PNLIPRP3: variants seen among roughly 807,000 people sequenced by gnomAD.
The protein encoded by PNLIPRP3 is pancreatic lipase related protein 3.
In PNLIPRP3, 58 loss-of-function variants were observed where a neutral mutation model predicts 52.8. The ratio of observed to expected loss-of-function variants is 1.10; its 90% CI spans 0.89 to 1.37. The LOEUF (loss-of-function observed/expected upper bound fraction) is 1.37. PNLIPRP3 is among the 40% of genes most tolerant of loss of function. The probability of loss-of-function intolerance (pLI) is 0.00; values close to 1 mark genes in which losing one functional copy is unlikely to be tolerated. For synonymous variants in PNLIPRP3, 192 were observed against 185.0 expected (o/e 1.04, Z -0.31); for missense variants, 593 against 561.6 (o/e 1.06, Z -0.57).
At chr10:116,465,784 C>G (rs937630919) in intron 7 of PNLIPRP3, among the ~76,000 whole-genome samples, 3 of 152,116 alleles carry the variant, frequency 2.0e-5, no homozygotes, top group African/African-American at 7.2e-5. Flanking sequence ...GGAAGTGACT[C>G]AGTATATTTG....
At chr10:116,428,139 A>C (rs963521637) in intron 1 of PNLIPRP3, 78 bp downstream of exon 1, 10 of 1,057,130 alleles carry the variant, frequency 9.5e-6, no homozygotes, top group Non-Finnish European at 1.3e-5. Flanking sequence ...ACATGAACTT[A>C]TTCTTTAGAA....
intron 10 of PNLIPRP3, among the ~76,000 whole-genome samples, chr10:116,472,687 A>G (rs916919411): frequency 1.3e-5 from 2 of 152,206 alleles, no homozygotes; most frequent in Non-Finnish European, 2.9e-5. Flanking sequence ...GCCTGTAAAT[A>G]TAAGCTCAGT....
intron 2 of PNLIPRP3, among the ~76,000 whole-genome samples, chr10:116,440,236 A>G (rs913248974): frequency 6.6e-6 from 1 of 152,118 alleles, no homozygotes; most frequent in Non-Finnish European, 1.5e-5. Context: ...TTATCCTTTT[A>G]TATAAGTGGC....
At chr10:116,476,021 A>C (rs1485169553) in intron 10 of PNLIPRP3, among the ~76,000 whole-genome samples, 2 of 152,164 alleles carry the variant, frequency 1.3e-5, no homozygotes. Context: ...TCTGGGTCAC[A>C]GTGGAGAATT....
chr10:116,440,616 C>G (rs1564694268), intron 2 of PNLIPRP3, among the ~76,000 whole-genome samples: 2 of 152,214 alleles, frequency 1.3e-5, no homozygotes, highest in Non-Finnish European at 2.9e-5. Context: ...ACACAGTTAA[C>G]ATACTCTCTT....
rs773434349 is a variant in PNLIPRP3 at position 116,471,859 on chromosome 10, T to C, written c.1152T>C (p.Thr384=). 2 of 1,594,184 alleles carry C rather than the reference T, an allele frequency of 1.3e-6. No homozygotes were observed. Among genetic ancestry groups the C allele is most frequent in the South Asian group, 2.2e-5 (2 of 90,338 alleles). The part of the protein sequence containing the change: ...FLRVGGAVRK[T]GEFAIVSGKL... Reference sequence around the variant, plus strand: ...GTGTAGGCGGGGCAGTTAGGAAAACTGGGGAGTTTGCCATTGTCAGGTAGG... The same window carrying C: ...GTGTAGGCGGGGCAGTTAGGAAAACCGGGGAGTTTGCCATTGTCAGGTAGG... Residue 384 remains threonine, a synonymous_variant, in exon 10 of 12, where the codon ACT becomes ACC. Transcript: ENST00000369230.
intron 2 of PNLIPRP3, chr10:116,439,382 T>G (rs1202467164): frequency 1.9e-6 from 1 of 519,944 alleles, no homozygotes; most frequent in Non-Finnish European, 3.5e-6. Flanking sequence ...AACAGACACT[T>G]CTCAGATAAG....
chr10:116,468,993 G>A (rs964814601), intron 8 of PNLIPRP3, among the ~76,000 whole-genome samples, 192 bp from the exon 9 acceptor site: 6 of 152,190 alleles, frequency 3.9e-5, no homozygotes, highest in Non-Finnish European at 8.8e-5. Flanking sequence ...CTAATAGGGA[G>A]TTTCTCTTTT....
chr10:116,437,960 G>C (rs1429625390), intron 2 of PNLIPRP3, among the ~76,000 whole-genome samples: 1 of 152,040 alleles, frequency 6.6e-6, no homozygotes, highest in East Asian at 1.9e-4. Flanking sequence ...ATCACACACG[G>C]GAAACAGCCT....
At chr10:116,466,303 T>A in intron 8 of PNLIPRP3, 135 bp downstream of exon 8, 1 of 630,878 alleles carries the variant, frequency 1.6e-6, no homozygotes, top group Non-Finnish European at 2.7e-6. Context: ...GGATTGTTTC[T>A]GTGCTGAGTA....
intron 3 of PNLIPRP3, among the ~76,000 whole-genome samples, chr10:116,443,770 T>TGC: frequency 3.5e-5 from 2 of 57,084 alleles, no homozygotes; most frequent in Admixed American, 2.3e-4. Flanking sequence ...TGTGTATGTG[T>TGC]GTGTGTGTGT....
At chr10:116,435,469 A>G (rs1248325415) in intron 1 of PNLIPRP3, among the ~76,000 whole-genome samples, 1 of 151,674 alleles carries the variant, frequency 6.6e-6, no homozygotes, top group Non-Finnish European at 1.5e-5. Context: ...CCAACCAAAC[A>G]AAAAACAAAA....
intron 10 of PNLIPRP3, among the ~76,000 whole-genome samples, chr10:116,472,710 G>T (rs937638182): frequency 1.3e-5 from 2 of 152,140 alleles, no homozygotes; most frequent in African/African-American, 4.8e-5. Context: ...ATGATGATCT[G>T]GATCCTGATT....
At chr10:116,467,188 A>G (rs1280360720) in intron 8 of PNLIPRP3, among the ~76,000 whole-genome samples, 1 of 152,158 alleles carries the variant, frequency 6.6e-6, no homozygotes, top group African/African-American at 2.4e-5. Context: ...GAATGAATCA[A>G]TTTCCTTGAC....
intron 2 of PNLIPRP3, 108 bp from the exon 3 acceptor site, chr10:116,442,947 A>G (rs1845878684): frequency 5.0e-6 from 4 of 803,372 alleles, no homozygotes; most frequent in Non-Finnish European, 5.1e-6. Context: ...GAAGGTTGCT[A>G]AAGATCAAAT....
rs1472510117 is a variant in PNLIPRP3 at position 116,461,252 on chromosome 10, C to T, written c.770C>T (p.Thr257Ile). ...ATGCCAGGATGTGAAGACTTAATTA[C>T]ACCTTTACTGAAATTTAACTTCAAT... ...KHMPGCEDLITPLLKFNFNAY... is the reference protein window; with the variant it reads ...KHMPGCEDLIIPLLKFNFNAY... The change falls in exon 7 of 12, where the codon ACA becomes ATA. Residue 257 changes from threonine to isoleucine, a missense_variant. Physicochemically the swap from Thr to Ile is moderately conservative, Grantham distance 89 (BLOSUM62 -1). Coordinates refer to ENST00000369230, the MANE Select transcript of PNLIPRP3 (RefSeq NM_001011709.3). 1 of 1,613,272 alleles carries T rather than the reference C, an allele frequency of 6.2e-7. No individual in the cohort carries two copies. Among genetic ancestry groups the T allele is most frequent in the Non-Finnish European group, 8.5e-7 (1 of 1,179,220 alleles).
chr10:116,476,606 C>T, intron 10 of PNLIPRP3, 46 bp from the exon 11 acceptor site: 1 of 1,444,246 alleles, frequency 6.9e-7, no homozygotes, highest in Non-Finnish European at 9.3e-7. Context: ...TCATTCAGTG[C>T]TGTGAATACC....
At chr10:116,468,660 G>A (rs1452084971) in intron 8 of PNLIPRP3, among the ~76,000 whole-genome samples, 1 of 152,162 alleles carries the variant, frequency 6.6e-6, no homozygotes, top group Non-Finnish European at 1.5e-5. Context: ...CTCAAGGACT[G>A]TTCTTTTGTG....
chr10:116,443,059 T>A lies in PNLIPRP3; in HGVS notation c.209T>A (p.Ile70Asn). 2 of 1,583,742 alleles carry A rather than the reference T, an allele frequency of 1.3e-6. No homozygotes were observed. The highest frequency in any genetic ancestry group is 1.7e-6 in the Non-Finnish European group (2 of 1,160,750). ...ATCTCTTTCTGCTTGAAACAGGAGA[T>A]CAGTGCGGTTAATTCTTCAACTATC... ...TIHNPNAYQE[I>N]SAVNSSTIQA... The change falls in exon 3 of 12, where the codon ATC becomes AAC. Residue 70 changes from isoleucine to asparagine, a missense_variant. By Grantham distance (149) the Ile-to-Asn change is moderately radical. Transcript: ENST00000369230.
Sources: allele counts gnomAD v4.1 joint callset (sites outside exome capture counted in the v4.1 genomes callset), GRCh38; gene constraint gnomAD v4.1.1; transcripts MANE v1.5; gene names NCBI Gene and HGNC (gene_info 2026-07-23, HGNC 2026-07-21).